RBFOX1: variants seen among roughly 807,000 people sequenced by gnomAD.
The protein encoded by RBFOX1 is RNA binding protein fox-1 homolog 1.
RBFOX1 carries 8 observed loss-of-function variants against 57.7 expected under a neutral mutation model. That is an observed-to-expected ratio of 0.14 (90% CI 0.08 to 0.25). RBFOX1 has a LOEUF of 0.25. Ranked by LOEUF, RBFOX1 falls within the 10% of genes least tolerant of loss-of-function variation. The pLI, the probability that RBFOX1 is intolerant of heterozygous loss-of-function variation, is 1.00. For missense variants in RBFOX1, 611 were observed against 548.5 expected, an observed-to-expected ratio of 1.11 and a Z score of -1.14; for synonymous variants, 326 against 222.4, an observed-to-expected ratio of 1.47 and a Z score of -4.15.
At chr16:5,917,990 C>G (rs1269088834) in intron 4 of RBFOX1, among the ~76,000 whole-genome samples, 1 of 152,202 alleles carries the variant, frequency 6.6e-6, no homozygotes, top group Non-Finnish European at 1.5e-5. Context: ...CCCCACCTCT[C>G]AGATTTAGAG....
rs1567145636 is a variant in RBFOX1 at position 5,481,101 on chromosome 16, GAGTT to G, written c.258+13852_258+13855del. Among the ~76,000 whole-genome samples, 4 of 152,314 alleles carry G rather than the reference GAGTT, an allele frequency of 2.6e-5. No individual in the cohort carries two copies. The South Asian group carries it at 6.2e-4, about 24-fold the overall frequency. On this transcript the variant is annotated intron_variant, in intron 2 of 2. Transcript: ENST00000585867. ...CCGACTCTCACTGTTGGAAGTGAAG[GAGTT>G]AGTTTGTTCCTCTTCTTTGCACTTA...
chr16:6,533,901 T>C (rs2096697984), intron 2 of RBFOX1, among the ~76,000 whole-genome samples: 1 of 152,002 alleles, frequency 6.6e-6, no homozygotes, highest in African/African-American at 2.4e-5. Context: ...AAAAACTTTG[T>C]CCCATAAAAA....
chr16:6,900,893 C>G (rs2068312387), intron 3 of RBFOX1, among the ~76,000 whole-genome samples: 1 of 152,200 alleles, frequency 6.6e-6, no homozygotes, highest in South Asian at 2.1e-4. Flanking sequence ...GTCTTGTGAA[C>G]TGCTAGATCC....
intron 1 of RBFOX1, among the ~76,000 whole-genome samples, chr16:5,323,923 G>T (rs748488365): frequency 6.6e-6 from 1 of 152,216 alleles, no homozygotes; most frequent in Non-Finnish European, 1.5e-5. Flanking sequence ...ACTGAGTTTT[G>T]TAATTCTGAC....
intron 4 of RBFOX1, among the ~76,000 whole-genome samples, chr16:7,326,196 A>G (rs2096609436): frequency 1.3e-5 from 2 of 152,144 alleles, no homozygotes; most frequent in African/African-American, 4.8e-5. Context: ...AAACACAGGG[A>G]TTGAGGAGGT....
rs189327471 is a variant in RBFOX1 at position 7,183,814 on chromosome 16, C to T, written c.27+131716C>T. ...TGGTTCAGCAAGGAGCTATTTAATG[C>T]CTCCTATTGTCAGGTGTGGTTTTAG... On this transcript the variant is annotated intron_variant, in intron 4 of 15. Transcript: ENST00000550418. 8.1e-4 allele frequency among the ~76,000 whole-genome samples: 124 copies of T among 152,310 alleles called. 1 individual carries two copies. The highest frequency in any genetic ancestry group is 9.2e-4 in the Admixed American group (14 of 15,292).
At chr16:6,566,178 T>C (rs114794188) in intron 2 of RBFOX1, among the ~76,000 whole-genome samples, 1,803 of 152,258 alleles carry the variant, frequency 0.012, 35 homozygotes, top group African/African-American at 0.039. Context: ...GGCAAGGAGG[T>C]ACAATCACCT....
chr16:6,479,100 G>A (rs895353219), intron 2 of RBFOX1, among the ~76,000 whole-genome samples: 1 of 152,146 alleles, frequency 6.6e-6, no homozygotes, highest in African/African-American at 2.4e-5. Flanking sequence ...GTGTGTGTGT[G>A]TTTGTGTGTA....
At chr16:5,990,266 C>T (rs1744762594) in intron 4 of RBFOX1, among the ~76,000 whole-genome samples, 1 of 144,724 alleles carries the variant, frequency 6.9e-6, no homozygotes, top group African/African-American at 2.4e-5. Flanking sequence ...GCTGGGGTTA[C>T]AGGCATGAGC....
At chr16:5,752,989 A>G (rs2053265778) in intron 3 of RBFOX1, among the ~76,000 whole-genome samples, 1 of 152,102 alleles carries the variant, frequency 6.6e-6, no homozygotes, top group Non-Finnish European at 1.5e-5. Context: ...TCATCACTCC[A>G]AGAAATAAAC....
At chr16:5,415,309 T>G (rs2067132902) in intron 1 of RBFOX1, among the ~76,000 whole-genome samples, 1 of 152,156 alleles carries the variant, frequency 6.6e-6, no homozygotes, top group African/African-American at 2.4e-5. Context: ...TGCCATACTT[T>G]AAAACGACCA....
intron 3 of RBFOX1, among the ~76,000 whole-genome samples, chr16:5,851,252 C>G (rs530946658): frequency 1.3e-5 from 2 of 152,278 alleles, no homozygotes; most frequent in Admixed American, 6.5e-5. Context: ...GTGCATTCAG[C>G]TTGGTGTTAC....
At chr16:5,786,812 A>C (rs1338417115) in intron 3 of RBFOX1, among the ~76,000 whole-genome samples, 5 of 152,146 alleles carry the variant, frequency 3.3e-5, no homozygotes, top group African/African-American at 1.2e-4. Context: ...TCAGAGAGTG[A>C]TGGGAGGGAA....
At position 6,483,689 on chromosome 16, in the gene RBFOX1, C is replaced by CG. The variant is rs1393238352; in HGVS notation, c.-64+166637dup. 8 of 879,792 alleles carry CG rather than the reference C, an allele frequency of 9.1e-6. No individual in the cohort carries two copies. In the East Asian group the frequency reaches 4.4e-4, roughly 48 times the overall value. The allele number at this position is 879,792 out of a possible 1,614,324, so 54.5% of individuals were successfully genotyped here. ...TCCGCGGGAGGGGGTTGCAGAGGGA[C>CG]GGGGGCGGGCGACAGGGGGAGGAGT... On this transcript the variant is annotated intron_variant, in intron 2 of 15. Transcript: ENST00000550418.
chr16:6,177,838 C>T (rs935517298), intron 1 of RBFOX1, among the ~76,000 whole-genome samples: 1 of 150,796 alleles, frequency 6.6e-6, no homozygotes, highest in Admixed American at 6.6e-5. Flanking sequence ...GCTCCAGTTG[C>T]TAGAGCCACG....
chr16:6,056,647 G>T (rs1317646051), intron 1 of RBFOX1, among the ~76,000 whole-genome samples: 1 of 152,138 alleles, frequency 6.6e-6, no homozygotes, highest in Admixed American at 6.5e-5. Context: ...CGTGGTCGCT[G>T]ACCAAATCAA....
At chr16:7,613,650 G>A (rs143843292) in intron 10 of RBFOX1, among the ~76,000 whole-genome samples, 2 of 152,104 alleles carry the variant, frequency 1.3e-5, no homozygotes, top group African/African-American at 4.8e-5. Context: ...GTTTTCTGTG[G>A]GCTAGAGTGA....
intron 3 of RBFOX1, among the ~76,000 whole-genome samples, chr16:5,691,744 G>T (rs1029794610): frequency 6.6e-6 from 1 of 152,192 alleles, no homozygotes; most frequent in Non-Finnish European, 1.5e-5. Context: ...CAAGTAGCCT[G>T]TAATCTTAAA....
intron 4 of RBFOX1, among the ~76,000 whole-genome samples, chr16:7,075,034 G>GAACT (rs2058049501): frequency 1.3e-5 from 2 of 152,118 alleles, no homozygotes; most frequent in African/African-American, 4.8e-5. Context: ...AGGGGCAAAG[G>GAACT]AACTCCCCAA....
Sources: gnomAD v4.1 joint callset for allele counts (sites outside exome capture counted in the v4.1 genomes callset) on GRCh38, gnomAD v4.1.1 for gene constraint, MANE v1.5 for transcripts, NCBI Gene and HGNC (gene_info 2026-07-23, HGNC 2026-07-21) for gene names.